SNTB1: variants seen among roughly 807,000 people sequenced by gnomAD.
The protein encoded by SNTB1 is syntrophin beta 1, also known as beta-1-syntrophin.
SNTB1 carries 36 observed loss-of-function variants against 48.9 expected under a neutral mutation model. The ratio of observed to expected loss-of-function variants is 0.74; its 90% CI spans 0.56 to 0.97. The LOEUF is 0.97. SNTB1 is among the 50% of genes least tolerant of loss of function. The pLI is 0.00. For synonymous variants in SNTB1, 299 were observed against 294.6 expected (o/e 1.01, Z -0.15); for missense variants, 786 against 703.4 (o/e 1.12, Z -1.33).
chr8:120,563,692 G>T lies in SNTB1; in HGVS notation c.1136+11394C>A, dbSNP rs546722411. ...TTTGAGGGCATAACTTGATTTAGAA[G>T]AAAACTGTTTCCTACTGGCTATAGT... is the stretch of plus-strand genomic sequence containing the variant. On this transcript the variant is annotated intron_variant, in intron 4 of 6. Transcript: ENST00000517992. Among the ~76,000 whole-genome samples the T allele has an allele frequency of 7.5e-4, 114 of 152,288 alleles. 1 individual carries two copies. Among genetic ancestry groups the T allele is most frequent in the African/African-American group, 2.6e-3 (107 of 41,574 alleles).
chr8:120,625,828 G>A (rs2130746669), intron 3 of SNTB1, among the ~76,000 whole-genome samples: 1 of 152,350 alleles, frequency 6.6e-6, no homozygotes, highest in East Asian at 1.9e-4. Context: ...AGCTTGGACA[G>A]TAGTTCTATT....
In SNTB1 at chr8:120,574,526, AC is replaced by A. The variant is rs953767357; in HGVS notation, c.1136+559del. Among the ~76,000 whole-genome samples, 12 of 152,324 alleles carry A rather than the reference AC, an allele frequency of 7.9e-5. No homozygotes were observed. In the South Asian group the frequency reaches 2.5e-3, roughly 32 times the overall value. On this transcript the variant is annotated intron_variant, in intron 4 of 6. Transcript: ENST00000517992. ...TATGTACATAACTTTGTATGTCAAT[AC>A]CGTGATGAAGTGCTTTTTAAAGACA...
chr8:120,574,324 A>G (rs1815912555), intron 4 of SNTB1, among the ~76,000 whole-genome samples: 1 of 152,238 alleles, frequency 6.6e-6, no homozygotes, highest in South Asian at 2.1e-4. Context: ...ATGGTATTAT[A>G]TACCTAAAAC....
intron 4 of SNTB1, among the ~76,000 whole-genome samples, chr8:120,554,496 G>A (rs1815532818): frequency 6.6e-6 from 1 of 152,172 alleles, no homozygotes; most frequent in Non-Finnish European, 1.5e-5. Flanking sequence ...TGACCTGCGT[G>A]GTGGGCGGGG....
chr8:120,621,656 T>G (rs1816795187), intron 3 of SNTB1, among the ~76,000 whole-genome samples: 2 of 152,190 alleles, frequency 1.3e-5, no homozygotes, highest in African/African-American at 2.4e-5. Context: ...ATGAGTTATA[T>G]TTCAGAAGCT....
intron 1 of SNTB1, among the ~76,000 whole-genome samples, chr8:120,727,083 G>A (rs1818769307): frequency 6.6e-6 from 1 of 152,204 alleles, no homozygotes; most frequent in Admixed American, 6.5e-5. Flanking sequence ...GGAGACAGAA[G>A]TAAGAGAAAC....
chr8:120,634,368 C>T (rs1357795062), intron 2 of SNTB1, among the ~76,000 whole-genome samples: 2 of 152,046 alleles, frequency 1.3e-5, no homozygotes, highest in Non-Finnish European at 2.9e-5. Context: ...ACATATAATG[C>T]TTCTAATAGC....
chr8:120,782,585 T>G (rs1219144332), intron 1 of SNTB1, among the ~76,000 whole-genome samples: 1 of 152,156 alleles, frequency 6.6e-6, no homozygotes, highest in African/African-American at 2.4e-5. Context: ...TAGGCATAAA[T>G]ATGTATACAT....
chr8:120,801,090 T>C (rs1032591822), intron 1 of SNTB1, among the ~76,000 whole-genome samples: 6 of 152,040 alleles, frequency 3.9e-5, no homozygotes, highest in African/African-American at 1.4e-4. Flanking sequence ...TGTAATCATA[T>C]GTTATTTTGA....
chr8:120,797,069 C>T (rs1268734885), intron 1 of SNTB1, among the ~76,000 whole-genome samples: 1 of 151,970 alleles, frequency 6.6e-6, no homozygotes, highest in East Asian at 1.9e-4. Flanking sequence ...TTCTCCCAGG[C>T]CTATGGCCAT....
chr8:120,606,089 A>G (rs1002782407), intron 3 of SNTB1, among the ~76,000 whole-genome samples: 3 of 151,848 alleles, frequency 2.0e-5, no homozygotes, highest in Non-Finnish European at 4.4e-5. Context: ...GTATAAATAG[A>G]TCAGACTAGG....
intron 2 of SNTB1, among the ~76,000 whole-genome samples, chr8:120,649,199 G>A (rs542610825): frequency 2.2e-4 from 33 of 151,010 alleles, no homozygotes; most frequent in Middle Eastern, 3.4e-3. Flanking sequence ...GCTTTGTTCC[G>A]CTGCTGGTGA....
chr8:120,694,071 CTTA>C (rs140866309), intron 1 of SNTB1, among the ~76,000 whole-genome samples, 163 bp from the exon 2 acceptor site: 39,198 of 151,902 alleles, frequency 0.26, 5,473 homozygotes, highest in Middle Eastern at 0.37. Flanking sequence ...AGGTAATTAT[CTTA>C]TTATTTAAAT....
chr8:120,539,967 A>G (rs1815258090), intron 6 of SNTB1, among the ~76,000 whole-genome samples: 1 of 152,222 alleles, frequency 6.6e-6, no homozygotes, highest in Non-Finnish European at 1.5e-5. Flanking sequence ...CTTACAGTAA[A>G]TAAAAAGTGT....
At chr8:120,598,601 G>A (rs377042243) in intron 3 of SNTB1, among the ~76,000 whole-genome samples, 2 of 152,310 alleles carry the variant, frequency 1.3e-5, no homozygotes, top group Admixed American at 6.5e-5. Context: ...ATTGTAGCAG[G>A]CACCATGTTC....
intron 1 of SNTB1, among the ~76,000 whole-genome samples, chr8:120,805,233 T>C (rs56752858): frequency 0.16 from 24,230 of 151,648 alleles, 4,329 homozygotes; most frequent in African/African-American, 0.42. Context: ...GCCCACCCTC[T>C]CCTCCAAACA....
At chr8:120,593,445 G>A (rs1300489107) in intron 3 of SNTB1, among the ~76,000 whole-genome samples, 1 of 152,128 alleles carries the variant, frequency 6.6e-6, no homozygotes, top group Non-Finnish European at 1.5e-5. Flanking sequence ...TATATCCTGT[G>A]TCACTCCATC....
chr8:120,665,612 A>AACCT (rs1231308620), intron 2 of SNTB1, among the ~76,000 whole-genome samples: 1 of 152,090 alleles, frequency 6.6e-6, no homozygotes, highest in Non-Finnish European at 1.5e-5. Flanking sequence ...TGCTTTAGTT[A>AACCT]TTGTGTTTTT....
intron 5 of SNTB1, among the ~76,000 whole-genome samples, chr8:120,547,502 C>T (rs1815402685): frequency 6.9e-6 from 1 of 145,648 alleles, no homozygotes; most frequent in South Asian, 2.2e-4. Context: ...GAGGCTGAGG[C>T]AGGAGAATTG....
Sources: allele counts gnomAD v4.1 joint callset (sites outside exome capture counted in the v4.1 genomes callset), GRCh38; gene constraint gnomAD v4.1.1; transcripts MANE v1.5; gene names NCBI Gene and HGNC (gene_info 2026-07-23, HGNC 2026-07-21).